The following SETD1A variants were observed in gnomAD, a reference collection of about 807,000 sequenced individuals.
SETD1A encodes the protein histone-lysine N-methyltransferase SETD1A.
In SETD1A, 29 loss-of-function variants were observed where a neutral mutation model predicts 149.9. That is an observed-to-expected ratio of 0.19 (90% CI 0.14 to 0.26). The LOEUF is 0.26. Among genes scored for constraint, SETD1A ranks in the 10% least tolerant of loss-of-function variants. The probability of loss-of-function intolerance (pLI) is 1.00; values close to 1 mark genes in which losing one functional copy is unlikely to be tolerated. For missense variants in SETD1A, 2,109 were observed against 2,353.1 expected, an observed-to-expected ratio of 0.90 and a Z score of 2.15; for synonymous variants, 1,141 against 968.5, an observed-to-expected ratio of 1.18 and a Z score of -3.31.
At position 30,969,336 on chromosome 16, in the gene SETD1A, A is replaced by T; in HGVS notation, c.2802A>T (p.Pro934=). 1 of 1,614,164 alleles carries T rather than the reference A, an allele frequency of 6.2e-7. No homozygotes were observed. The highest frequency in any genetic ancestry group is 8.5e-7 in the Non-Finnish European group (1 of 1,180,000). ...DPEQEKEAGE[P]GRPGTKPPKR... ...AACAAGAGAAGGAGGCTGGAGAGCC[A>T]GGACGTCCGGGGACCAAGCCCCCGA... Residue 934 remains proline (P), a synonymous_variant, in exon 11 of 19, where the codon CCA becomes CCT. Coordinates refer to ENST00000262519, the MANE Select transcript of SETD1A (RefSeq NM_014712.3).
chr16:30,964,415 T>C (rs1160143839), intron 6 of SETD1A, 92 bp downstream of exon 6: 11 of 1,328,060 alleles, frequency 8.3e-6, no homozygotes, highest in East Asian at 2.4e-5. Context: ...CAAGAGGGAG[T>C]TGGAAATAAT....
Position 30,979,623 on chromosome 16 carries a change from C to A in SETD1A, c.3837C>A (p.Ala1279=). 1 of 1,611,210 alleles carries A rather than the reference C, an allele frequency of 6.2e-7. No homozygotes were observed. The highest frequency in any genetic ancestry group is 1.1e-5 in the South Asian group (1 of 91,082). The change falls in exon 14 of 19, where the codon GCC becomes GCA. Residue 1279 remains alanine (A), a synonymous_variant. Coordinates refer to ENST00000262519, the MANE Select transcript of SETD1A (RefSeq NM_014712.3). ...PALPAVEDSE[A]TETSDEAERP... The stretch of plus-strand genomic sequence containing the variant: ...TGCCTGCTGTTGAAGACTCAGAGGC[C>A]ACAGAGACATCGGACGAGGCCGAGC...
At chr16:30,975,279 C>T (rs1387959501) in intron 13 of SETD1A, among the ~76,000 whole-genome samples, 4 of 152,070 alleles carry the variant, frequency 2.6e-5, no homozygotes, top group Non-Finnish European at 5.9e-5. Context: ...CACTGCACTC[C>T]AGCCTGGGCG....
chr16:30,966,758 G>A, intron 8 of SETD1A, 126 bp from the exon 9 acceptor site: 1 of 1,119,322 alleles, frequency 8.9e-7, no homozygotes, highest in Non-Finnish European at 1.2e-6. Flanking sequence ...GGCTGGGACA[G>A]GTGTGACCAA....
At chr16:30,973,236 A>G (rs1415454008) in intron 13 of SETD1A, among the ~76,000 whole-genome samples, 1 of 152,164 alleles carries the variant, frequency 6.6e-6, no homozygotes, top group Non-Finnish European at 1.5e-5. Flanking sequence ...ACATGGTCAG[A>G]TGTATGTTTC....
chr16:30,965,152 C>T lies in SETD1A; in HGVS notation c.1410C>T (p.Ser470=). ...PRPASPARSG[S]PAPETTNESV... ...CAGCCTCCCCTGCCCGCTCTGGCTC[C>T]CCAGCCCCGGAGACCACCAATGAGA... Residue 470 remains serine (S), a synonymous_variant, in exon 7 of 19, where the codon TCC becomes TCT. Transcript: ENST00000262519. 1 of 1,613,514 alleles carries T rather than the reference C, an allele frequency of 6.2e-7. No individual in the cohort carries two copies. The highest frequency in any genetic ancestry group is 8.5e-7 in the Non-Finnish European group (1 of 1,180,012).
intron 4 of SETD1A, 62 bp from the exon 5 acceptor site, chr16:30,963,371 A>C: frequency 1.4e-6 from 2 of 1,466,516 alleles, no homozygotes; most frequent in Non-Finnish European, 1.8e-6. Context: ...AAGCAGGAAT[A>C]CCAGATCAGG....
chr16:30,964,474 G>T, intron 6 of SETD1A, 138 bp from the exon 7 acceptor site: 1 of 1,449,266 alleles, frequency 6.9e-7, no homozygotes, highest in South Asian at 1.3e-5. Context: ...TGTCCTCGGG[G>T]AACACACTAG....
chr16:30,979,506 C>T lies in SETD1A; in HGVS notation c.3720C>T (p.Thr1240=), dbSNP rs1336755412. 36 of 1,605,128 alleles carry T rather than the reference C, an allele frequency of 2.2e-5. No homozygotes were observed. Among genetic ancestry groups the T allele is most frequent in the Middle Eastern group, 1.6e-4 (1 of 6,066 alleles). ...RSRAGGRGRL[T]EEEEAEPGTE... ...GGGCTGGAGGCCGAGGCCGCCTCAC[C>T]GAGGAAGAGGAGGCTGAGCCAGGGA... The change falls in exon 14 of 19, where the codon ACC becomes ACT. Residue 1240 remains threonine (T), a synonymous_variant. Transcript: ENST00000262519.
rs2056224516 is a variant in SETD1A at position 30,971,532 on chromosome 16, C to T, written c.3171C>T (p.Ser1057=). 3 of 1,613,764 alleles carry T rather than the reference C, an allele frequency of 1.9e-6. No individual in the cohort carries two copies. The highest frequency in any genetic ancestry group is 1.7e-5 in the Admixed American group (1 of 60,010). Reference sequence around the variant, plus strand: ...CCTCATCCTCCTCGTCCTCTTCATCCTCTGAGTCCTCCTCTGAAGATGAAG... The same window carrying T: ...CCTCATCCTCCTCGTCCTCTTCATCTTCTGAGTCCTCCTCTGAAGATGAAG... ...SSSSSSSSSS[S]SESSSEDEEE... is the part of the protein sequence containing the mutation. The change falls in exon 13 of 19, where the codon TCC becomes TCT. Residue 1057 remains serine, a synonymous_variant. Transcript: ENST00000262519.
Position 30,964,175 on chromosome 16 carries a change from A to T in SETD1A, c.721A>T (p.Thr241Ser). Residue 241 changes from threonine to serine, a missense_variant, in exon 6 of 19, where the codon ACC (threonine) becomes TCC (serine). Transcript: ENST00000262519. ...TGCGGTGGGCACTCCTGGCAACGGC[A>T]CCCCCTGCTCCCAGGACACAAGCTT... Reference protein sequence around the residue: ...TTAVGTPGNGTPCSQDTSFSS... With the variant: ...TTAVGTPGNGSPCSQDTSFSS... 1 of 1,613,804 alleles carries T rather than the reference A, an allele frequency of 6.2e-7. No homozygotes were observed. Among genetic ancestry groups the T allele is most frequent in the Non-Finnish European group, 8.5e-7 (1 of 1,179,908 alleles).
rs2056109407 is a variant in SETD1A, at chr16:30,964,642, G to A, written c.900G>A (p.Arg300=). The change falls in exon 7 of 19, where the codon CGG becomes CGA. Residue 300 remains arginine, a synonymous_variant. Coordinates refer to ENST00000262519, the MANE Select transcript of SETD1A (RefSeq NM_014712.3). ...CTTCAACCTCCTTCAAGCCCCGGCG[G>A]TCAGAGAACAGCTACCAAGATGCCT... ...STTSTSFKPR[R]SENSYQDAFS... is the part of the protein sequence containing the mutation. 6.2e-7 allele frequency: 1 copy of A among 1,613,642 alleles called. No individual in the cohort carries two copies. The highest frequency in any genetic ancestry group is 2.2e-5 in the East Asian group (1 of 44,858).
rs1374566198 is a variant in SETD1A at position 30,965,168 on chromosome 16, A to G, written c.1426A>G (p.Thr476Ala). ...CTCTGGCTCCCCAGCCCCGGAGACCACCAATGAGAGTGTGCCCTTCGCCCA... is the reference window on the plus strand; with the variant it reads ...CTCTGGCTCCCCAGCCCCGGAGACCGCCAATGAGAGTGTGCCCTTCGCCCA... ...ARSGSPAPET[T>A]NESVPFAQHS... The change falls in exon 7 of 19, where the codon ACC (threonine) becomes GCC (alanine). Residue 476 changes from threonine (T) to alanine (A), a missense_variant. Transcript: ENST00000262519. The G allele has an allele frequency of 4.3e-6, 7 of 1,613,770 alleles. No homozygotes were observed. Among genetic ancestry groups the G allele is most frequent in the Non-Finnish European group, 5.9e-6 (7 of 1,180,018 alleles).
chr16:30,966,449 C>T (rs2056148653), intron 8 of SETD1A, 63 bp downstream of exon 8: 3 of 1,528,502 alleles, frequency 2.0e-6, no homozygotes, highest in African/African-American at 1.4e-5. Flanking sequence ...GCCTCTGGCT[C>T]CTCCAGGCTG....
intron 3 of SETD1A, among the ~76,000 whole-genome samples, chr16:30,960,730 CTTTTTTTTTTTTTT>C (rs71374043): frequency 1.2e-5 from 1 of 80,552 alleles, no homozygotes; most frequent in Non-Finnish European, 2.4e-5. Flanking sequence ...TTCTTTCTTT[CTTTTTTTTTTTTTT>C]TTTTTTTTTG....
chr16:30,979,812 G>A lies in SETD1A; in HGVS notation c.4026G>A (p.Val1342=), dbSNP rs2056341974. The part of the protein sequence containing the change: ...ADEVLEAPEV[V]VAEAEEPKPQ... ...AGGTCCTGGAGGCCCCCGAGGTGGT[G>A]GTGGCTGAGGCGGAGGAGCCCAAGC... The change falls in exon 14 of 19, where the codon GTG becomes GTA. Residue 1342 remains valine (V), a synonymous_variant. Transcript: ENST00000262519. 2 of 1,566,090 alleles carry A rather than the reference G, an allele frequency of 1.3e-6. No individual in the cohort carries two copies. The highest frequency in any genetic ancestry group is 3.4e-4 in the Middle Eastern group (2 of 5,960).
intron 1 of SETD1A, chr16:30,958,439 C>A (rs893912368): frequency 5.3e-6 from 2 of 379,360 alleles, no homozygotes; most frequent in Non-Finnish European, 9.7e-6. Context: ...GGTCTTGCTC[C>A]GAGGCCAAGT....
Position 30,969,586 on chromosome 16 carries a change from T to G in SETD1A, c.2929-16T>G. 1 of 1,613,108 alleles carries G rather than the reference T, an allele frequency of 6.2e-7. No homozygotes were observed. Among genetic ancestry groups the G allele is most frequent in the Non-Finnish European group, 8.5e-7 (1 of 1,179,128 alleles). On this transcript the variant is annotated splice_polypyrimidine_tract_variant and intron_variant, in intron 11 of 18. Coordinates refer to ENST00000262519, the MANE Select transcript of SETD1A (RefSeq NM_014712.3). ...TGTCCCCTTCCTGTTAGTCCTCATT[T>G]GTCTTTTTTCTTAAGGATGAGGAGG...
intron 10 of SETD1A, among the ~76,000 whole-genome samples, chr16:30,968,829 G>A (rs954681825): frequency 5.3e-5 from 8 of 151,478 alleles, no homozygotes; most frequent in Non-Finnish European, 2.9e-5. Context: ...TATATGCCAG[G>A]CACGATGGCT....
Sources: gnomAD v4.1 joint callset for allele counts (sites outside exome capture counted in the v4.1 genomes callset) on GRCh38, gnomAD v4.1.1 for gene constraint, MANE v1.5 for transcripts, NCBI Gene and HGNC (gene_info 2026-07-23, HGNC 2026-07-21) for gene names.